Variants in ASH1L observed in about 807,000 individuals in gnomAD.
ASH1L encodes the protein ASH1 like histone lysine methyltransferase, also known as histone-lysine N-methyltransferase ASH1L.
ASH1L carries 23 observed loss-of-function variants against 269.0 expected under a neutral mutation model. The ratio of observed to expected loss-of-function variants is 0.09; its 90% CI spans 0.06 to 0.12. ASH1L has a LOEUF of 0.12. Among genes scored for constraint, ASH1L ranks in the 10% least tolerant of loss-of-function variants. The pLI is 1.00. For missense variants in ASH1L, 2,912 were observed against 3,567.8 expected, an observed-to-expected ratio of 0.82 and a Z score of 4.68; for synonymous variants, 1,187 against 1,253.5, an observed-to-expected ratio of 0.95 and a Z score of 1.12.
At chr1:155,451,534 C>T (rs564367059) in intron 4 of ASH1L, among the ~76,000 whole-genome samples, 3 of 151,902 alleles carry the variant, frequency 2.0e-5, no homozygotes, top group African/African-American at 4.8e-5. Context: ...CCAAGGCCAG[C>T]GGATCACCTG....
chr1:155,513,690 A>G (rs1571030238), intron 2 of ASH1L, among the ~76,000 whole-genome samples: 1 of 152,146 alleles, frequency 6.6e-6, no homozygotes, highest in African/African-American at 2.4e-5. Flanking sequence ...ATACATACCC[A>G]AAAGATGTGA....
intron 6 of ASH1L, among the ~76,000 whole-genome samples, chr1:155,405,829 C>CAA (rs201440660): frequency 1.8e-4 from 14 of 77,068 alleles, no homozygotes; most frequent in African/African-American, 4.5e-4. Context: ...TTCTCTGTGT[C>CAA]AAAAAAAAAA....
At position 155,401,192 on chromosome 1, in the gene ASH1L, G is replaced by A. The variant is rs141559004; in HGVS notation, c.6009-5639C>T. Among the ~76,000 whole-genome samples the A allele has an allele frequency of 3.7e-3, 563 of 150,358 alleles. 3 individuals carry two copies. The highest frequency in any genetic ancestry group is 0.013 in the African/African-American group (517 of 40,996). ...AAAAAAAGTGTTAAAAAAGATCGCC[G>A]GTGGCCGGGCATGGTGGCTCACACC... is the stretch of plus-strand genomic sequence containing the variant. On this transcript the variant is annotated intron_variant, in intron 6 of 27. Coordinates refer to ENST00000392403, the MANE Select transcript of ASH1L (RefSeq NM_018489.3).
rs542609151 is a variant in ASH1L, at chr1:155,362,588, CA to C, written c.6687-2180del. On this transcript the variant is annotated intron_variant, in intron 12 of 27. Transcript: ENST00000392403. ...AGGGAGCCACTTGCCCAAAGTTACACAGCTGATAACTTAGGGAATCAAGTTT... is the reference window on the plus strand; with the variant it reads ...AGGGAGCCACTTGCCCAAAGTTACACGCTGATAACTTAGGGAATCAAGTTT... Among the ~76,000 whole-genome samples the C allele has an allele frequency of 1.4e-3, 206 of 152,204 alleles. 1 individual carries two copies. Among genetic ancestry groups the C allele is most frequent in the African/African-American group, 4.8e-3 (199 of 41,538 alleles).
chr1:155,478,740 C>G lies in ASH1L; in HGVS notation c.4130G>C (p.Gly1377Ala), dbSNP rs149859780. ...AGGCATACCATAAGATGGATAGAAT[C>G]CAGTACTAGAAAGAGGAAAACTAAG... is the stretch of plus-strand genomic sequence containing the variant. The part of the protein sequence containing the change: ...HSLSFPLSST[G>A]FYPSYGMPYS... Residue 1377 changes from glycine (G) to alanine (A), a missense_variant, in exon 3 of 28, where the codon GGA becomes GCA. Gly to Ala is a moderately conservative substitution (Grantham distance 60). This residue lies in a region of ASH1L where 789 missense variants were observed against 897.6 expected (regional missense o/e 0.88). Coordinates refer to ENST00000392403, the MANE Select transcript of ASH1L (RefSeq NM_018489.3). This position sits in a 1 kb window ranked among gnomAD's most constrained non-coding sequence, Gnocchi z 4.6. 4.3e-6 allele frequency: 7 copies of G among 1,613,956 alleles called. No individual in the cohort carries two copies. Among genetic ancestry groups the G allele is most frequent in the Non-Finnish European group, 5.9e-6 (7 of 1,180,014 alleles).
chr1:155,357,833 T>C, intron 13 of ASH1L, 84 bp from the exon 14 acceptor site: 2 of 1,322,026 alleles, frequency 1.5e-6, no homozygotes, highest in Non-Finnish European at 2.0e-6. Context: ...TACAATAGTA[T>C]GATCATGGCT....
intron 12 of ASH1L, among the ~76,000 whole-genome samples, chr1:155,363,905 G>A (rs555198976): frequency 7.2e-5 from 11 of 152,010 alleles, no homozygotes; most frequent in African/African-American, 2.2e-4. Context: ...CCCAGGAGGC[G>A]GAAGTTGTGG....
At chr1:155,342,474 G>A in intron 24 of ASH1L, among the ~76,000 whole-genome samples, 1 of 152,200 alleles carries the variant, frequency 6.6e-6, no homozygotes, top group South Asian at 2.1e-4. Flanking sequence ...CTTTTTAACT[G>A]AGACAAGGAG....
rs908761434 is a variant in ASH1L, at chr1:155,544,312, A to G, written c.-100+17841T>C. ...CCCCTTTTTTTTTTTTTTGAGATAT[A>G]GTCTCACTCTATCACCCAGGCTGGA... On this transcript the variant is annotated intron_variant, in intron 1 of 27. Transcript: ENST00000392403. Among the ~76,000 whole-genome samples, 124 of 149,182 alleles carry G rather than the reference A, an allele frequency of 8.3e-4. 2 individuals are homozygous for G. The highest frequency in any genetic ancestry group is 4.7e-4 in the Admixed American group (7 of 14,978).
intron 10 of ASH1L, among the ~76,000 whole-genome samples, chr1:155,372,865 G>A (rs1026078358): frequency 5.3e-5 from 8 of 152,074 alleles, no homozygotes; most frequent in African/African-American, 1.9e-4. Flanking sequence ...TAATTGAAAT[G>A]ACATTTCCAG....
At chr1:155,488,442 G>A (rs1337149404) in intron 2 of ASH1L, among the ~76,000 whole-genome samples, 1 of 144,712 alleles carries the variant, frequency 6.9e-6, no homozygotes, top group Admixed American at 6.9e-5. Context: ...GGCAGATCAC[G>A]AGGTCAGGAG....
chr1:155,472,065 T>C (rs1665142835), intron 3 of ASH1L, among the ~76,000 whole-genome samples: 1 of 152,068 alleles, frequency 6.6e-6, no homozygotes, highest in African/African-American at 2.4e-5. Flanking sequence ...CTGAGACAGG[T>C]GGTTCTCTTG....
chr1:155,485,202 G>A (rs1443533670), intron 2 of ASH1L, among the ~76,000 whole-genome samples: 2 of 150,302 alleles, frequency 1.3e-5, no homozygotes, highest in Admixed American at 1.3e-4. Flanking sequence ...GTTGCAGTGA[G>A]CCAAGATAGC....
At chr1:155,448,099 C>G (rs111840796) in intron 4 of ASH1L, among the ~76,000 whole-genome samples, 1 of 152,174 alleles carries the variant, frequency 6.6e-6, no homozygotes, top group Non-Finnish European at 1.5e-5. Context: ...ATTCCCAGCA[C>G]TATTTATTGA....
intron 6 of ASH1L, chr1:155,396,156 G>A (rs1232438515): frequency 6.6e-6 from 1 of 151,478 alleles, no homozygotes; most frequent in African/African-American, 2.4e-5. Flanking sequence ...TTATTGGTTT[G>A]TTTCCTAAAG....
chr1:155,493,956 A>G (rs1163107277), intron 2 of ASH1L, among the ~76,000 whole-genome samples: 1 of 152,228 alleles, frequency 6.6e-6, no homozygotes, highest in East Asian at 1.9e-4. Flanking sequence ...GCAGTTAAAA[A>G]AAAATCCAAA....
chr1:155,410,806 ATG>A (rs1399149006), intron 6 of ASH1L, among the ~76,000 whole-genome samples: 1 of 148,106 alleles, frequency 6.8e-6, no homozygotes, highest in African/African-American at 2.5e-5. Context: ...AGGTCTTGCT[ATG>A]TTGCCCAGGT....
intron 4 of ASH1L, among the ~76,000 whole-genome samples, chr1:155,454,639 A>G (rs1176991895): frequency 6.6e-6 from 1 of 152,100 alleles, no homozygotes; most frequent in Non-Finnish European, 1.5e-5. Context: ...GTGGTGGCAC[A>G]TGCCTATAAT....
chr1:155,439,051 G>C lies in ASH1L; in HGVS notation c.5104C>G (p.Arg1702Gly). The C allele has an allele frequency of 6.2e-7, 1 of 1,606,664 alleles. No individual in the cohort carries two copies. The highest frequency in any genetic ancestry group is 8.5e-7 in the Non-Finnish European group (1 of 1,176,518). Residue 1702 changes from arginine (R) to glycine (G), a missense_variant, in exon 5 of 28, where the codon CGA becomes GGA. Transcript: ENST00000392403. ...CCAGAAGCAACTAATCTTGGACTTC[G>C]AGAGGGAACTCCGTTTACTGAAAGA... ...TSSTVNGVPS[R>G]SPRLVASGDD...
Sources: allele counts gnomAD v4.1 joint callset (sites outside exome capture counted in the v4.1 genomes callset), GRCh38; gene constraint gnomAD v4.1.1; regional missense constraint gnomAD v4.1.1; non-coding constraint Gnocchi (gnomAD v3.1); transcripts MANE v1.5; gene names NCBI Gene and HGNC (gene_info 2026-07-23, HGNC 2026-07-21).